TXNL1: variants seen among roughly 807,000 people sequenced by gnomAD.
TXNL1 encodes the protein thioredoxin like 1, also known as thioredoxin-like protein 1.
TXNL1 carries 14 observed loss-of-function variants against 35.5 expected under a neutral mutation model. The ratio of observed to expected loss-of-function variants is 0.39; its 90% CI spans 0.26 to 0.62. The LOEUF is 0.62. TXNL1 is among the 20% of genes least tolerant of loss of function. The pLI is 0.47. For missense variants in TXNL1, 263 were observed against 349.7 expected (o/e 0.75, Z 1.98); for synonymous variants, 110 against 115.5 (o/e 0.95, Z 0.31).
chr18:56,625,391 T>C (rs1166063200), intron 2 of TXNL1, among the ~76,000 whole-genome samples: 4 of 152,290 alleles, frequency 2.6e-5, no homozygotes. Context: ...CTAATCAACA[T>C]AAAAAGATAA....
intron 5 of TXNL1, among the ~76,000 whole-genome samples, chr18:56,614,879 C>T: frequency 6.6e-6 from 1 of 152,060 alleles, no homozygotes. Flanking sequence ...GTCCCTGCCC[C>T]CCAACTACAA....
At chr18:56,614,198 A>G (rs1288362163) in intron 6 of TXNL1, among the ~76,000 whole-genome samples, 1 of 152,202 alleles carries the variant, frequency 6.6e-6, no homozygotes, top group Non-Finnish European at 1.5e-5. Context: ...CCATATACAT[A>G]TAAAATAACT....
At chr18:56,631,280 CTG>C (rs1369865804) in intron 1 of TXNL1, among the ~76,000 whole-genome samples, 1 of 152,146 alleles carries the variant, frequency 6.6e-6, no homozygotes, top group African/African-American at 2.4e-5. Context: ...CCTGATTTCT[CTG>C]TATAAAATAA....
At position 56,598,384 on chromosome 18, in the gene TXNL1, T is replaced by C. The variant is rs992430748; in HGVS notation, c.*4643A>G. Reference sequence around the variant, plus strand: ...ATAGCAGCTGAGGAGGCGTGCACAATTGTTATGATTATTCCCGGTATCAGT... The same window carrying C: ...ATAGCAGCTGAGGAGGCGTGCACAACTGTTATGATTATTCCCGGTATCAGT... On this transcript the variant is annotated 3_prime_UTR_variant, in exon 8 of 8. Transcript: ENST00000217515. 1 of 152,208 alleles carries C rather than the reference T, an allele frequency of 6.6e-6. No homozygotes were observed. The highest frequency in any genetic ancestry group is 1.5e-5 in the Non-Finnish European group (1 of 68,036). The allele number at this position is 152,208 out of a possible 1,614,324, so 9.4% of individuals were successfully genotyped here.
At position 56,605,427 on chromosome 18, in the gene TXNL1, C is replaced by T. The variant is rs930553885; in HGVS notation, c.841-2371G>A. Among the ~76,000 whole-genome samples the T allele has an allele frequency of 4.6e-5, 7 of 152,090 alleles. 1 individual carries two copies. Among genetic ancestry groups the T allele is most frequent in the Admixed American group, 2.0e-4 (3 of 15,254 alleles). ...AGAAATGTTACAAAAATAGCTGATACGGTGAATGGCCAGTTTAGAAAAGTC... is the reference window on the plus strand; with the variant it reads ...AGAAATGTTACAAAAATAGCTGATATGGTGAATGGCCAGTTTAGAAAAGTC... On this transcript the variant is annotated intron_variant, in intron 7 of 7. Coordinates refer to ENST00000217515, the MANE Select transcript of TXNL1 (RefSeq NM_004786.3).
chr18:56,610,904 TAAAAG>T, intron 7 of TXNL1, 84 bp downstream of exon 7: 8 of 852,856 alleles, frequency 9.4e-6, no homozygotes, highest in East Asian at 3.1e-5. Flanking sequence ...ATTATTTTGT[TAAAAG>T]AAAGTGTGAC....
intron 2 of TXNL1, 36 bp downstream of exon 2, chr18:56,626,325 A>G: frequency 1.3e-6 from 2 of 1,581,436 alleles, no homozygotes; most frequent in Non-Finnish European, 1.7e-6. Flanking sequence ...TTTATTCAAA[A>G]GTAAATTAAA....
intron 5 of TXNL1, 93 bp downstream of exon 5, chr18:56,616,152 A>T: frequency 8.5e-7 from 1 of 1,176,408 alleles, no homozygotes; most frequent in Non-Finnish European, 1.2e-6. Flanking sequence ...AAAAAGAAAA[A>T]ACAAGTACCT....
At chr18:56,604,989 G>A (rs1302584202) in intron 7 of TXNL1, among the ~76,000 whole-genome samples, 1 of 151,134 alleles carries the variant, frequency 6.6e-6, no homozygotes, top group Non-Finnish European at 1.5e-5. Flanking sequence ...GTGATGTTAT[G>A]CCTCAAAATG....
Position 56,602,569 on chromosome 18 carries a change from G to C in TXNL1, c.*458C>G, listed in dbSNP as rs1156541456. The C allele has an allele frequency of 6.2e-6, 1 of 161,384 alleles. No individual in the cohort carries two copies. Among genetic ancestry groups the C allele is most frequent in the Non-Finnish European group, 1.3e-5 (1 of 74,510 alleles). 10.0% of individuals were successfully genotyped at this position (161,384 alleles called of 1,614,324 possible). A position where few individuals can be genotyped will look rare whatever the true frequency, so the allele number is the denominator to read the frequency against. ...TAATTTGAGTAATTTCCATAGCTCA[G>C]ATATACAAATGTCCTTTAATAAAAA... On this transcript the variant is annotated 3_prime_UTR_variant, in exon 8 of 8. Transcript: ENST00000217515.
At chr18:56,631,473 GAA>G (rs199616994) in intron 1 of TXNL1, among the ~76,000 whole-genome samples, 13 of 144,394 alleles carry the variant, frequency 9.0e-5, no homozygotes, top group Non-Finnish European at 2.0e-4. Context: ...TTAAAATGAA[GAA>G]AAAAAAAAAG....
intron 1 of TXNL1, among the ~76,000 whole-genome samples, chr18:56,628,793 TAA>T (rs1394351088): frequency 6.6e-6 from 1 of 152,162 alleles, no homozygotes; most frequent in Non-Finnish European, 1.5e-5. Context: ...TATGTCTCAA[TAA>T]AAGTTTGCAG....
intron 1 of TXNL1, among the ~76,000 whole-genome samples, chr18:56,632,738 A>G (rs962149066): frequency 6.6e-6 from 1 of 152,212 alleles, no homozygotes; most frequent in Non-Finnish European, 1.5e-5. Context: ...AGCTTGGGAC[A>G]GTGCGAGGAG....
At chr18:56,614,691 A>G in intron 5 of TXNL1, 95 bp from the exon 6 acceptor site, 2 of 963,980 alleles carry the variant, frequency 2.1e-6, no homozygotes, top group Non-Finnish European at 3.0e-6. Flanking sequence ...GACACACACA[A>G]ATCAATACAC....
chr18:56,616,312 C>T lies in TXNL1; in HGVS notation c.495G>A (p.Leu165=). 2 of 1,613,192 alleles carry T rather than the reference C, an allele frequency of 1.2e-6. No homozygotes were observed. The highest frequency in any genetic ancestry group is 1.3e-5 in the African/African-American group (1 of 74,892). The part of the protein sequence containing the change: ...TFLESDCDEQ[L]LITVAFNQPV... ...GTTGATTGAATGCCACAGTAATAAG[C>T]AGCTGTGAAGATAAGAGTTTCATTT... Residue 165 remains leucine, a splice_region_variant and synonymous_variant, in exon 5 of 8, where the codon CTG becomes CTA. Coordinates refer to ENST00000217515, the MANE Select transcript of TXNL1 (RefSeq NM_004786.3).
At chr18:56,636,843 G>C (rs1392192159) in intron 1 of TXNL1, among the ~76,000 whole-genome samples, 1 of 152,164 alleles carries the variant, frequency 6.6e-6, no homozygotes. Context: ...TGAACTAAAA[G>C]TGAGGTGAGG....
intron 6 of TXNL1, among the ~76,000 whole-genome samples, chr18:56,612,384 ATT>A (rs144206046): frequency 4.0e-5 from 6 of 148,738 alleles, no homozygotes; most frequent in Admixed American, 6.7e-5. Flanking sequence ...TATGTGCCTC[ATT>A]TTTTTTTTAA....
At chr18:56,620,061 C>T (rs145171570) in intron 3 of TXNL1, among the ~76,000 whole-genome samples, 110 of 152,196 alleles carry the variant, frequency 7.2e-4, no homozygotes, top group African/African-American at 2.4e-3. Flanking sequence ...CTCCACCTCC[C>T]GGGTTCAAGT....
At chr18:56,615,419 T>C (rs1598915615) in intron 5 of TXNL1, among the ~76,000 whole-genome samples, 2 of 132,124 alleles carry the variant, frequency 1.5e-5, no homozygotes, top group South Asian at 5.5e-4. Flanking sequence ...AGAACCCTAG[T>C]CTCCATTCCC....
Sources: allele counts gnomAD v4.1 joint callset (sites outside exome capture counted in the v4.1 genomes callset), GRCh38; gene constraint gnomAD v4.1.1; transcripts MANE v1.5; gene names NCBI Gene and HGNC (gene_info 2026-07-23, HGNC 2026-07-21).